MIPOL1: variants seen among roughly 807,000 people sequenced by gnomAD.
MIPOL1 encodes mirror-image polydactyly gene 1 protein.
A neutral mutation model predicts 60.9 loss-of-function variants in MIPOL1; 57 were observed. The observed-to-expected ratio is 0.94, with a 90% CI of 0.76 to 1.17. The LOEUF (loss-of-function observed/expected upper bound fraction) is 1.17, where lower values mean the gene tolerates loss of function less well. Among genes scored for constraint, MIPOL1 ranks in the 50% most tolerant of loss-of-function variants. MIPOL1 has a pLI of 0.00. For missense variants in MIPOL1, 551 were observed against 511.6 expected (o/e 1.08, Z -0.74); for synonymous variants, 179 against 168.8 (o/e 1.06, Z -0.47).
chr14:37,483,237 C>T (rs1278549774), intron 11 of MIPOL1, among the ~76,000 whole-genome samples: 3 of 151,688 alleles, frequency 2.0e-5, no homozygotes, highest in Non-Finnish European at 4.4e-5. Context: ...CTCAGCCTCC[C>T]GAGTAGCTGG....
At chr14:37,365,927 C>G (rs2092456063) in intron 9 of MIPOL1, among the ~76,000 whole-genome samples, 1 of 152,016 alleles carries the variant, frequency 6.6e-6, no homozygotes, top group African/African-American at 2.4e-5. Context: ...CTTCCTGGCT[C>G]AATCTCAGTA....
chr14:37,248,001 C>T lies in MIPOL1; in HGVS notation c.19+94C>T. The T allele has an allele frequency of 2.3e-6, 3 of 1,277,428 alleles. No individual in the cohort carries two copies. The South Asian group carries it at 3.9e-5, about 17-fold the overall frequency. 79.1% of individuals were successfully genotyped at this position (1,277,428 alleles called of 1,614,324 possible). ...TGTTTGTTCTAACCAATATATTAGA[C>T]AGAGGTAGACAAGTGCGCACACACA... On this transcript the variant is annotated intron_variant, in intron 3 of 12. Transcript: ENST00000684589.
intron 11 of MIPOL1, among the ~76,000 whole-genome samples, chr14:37,458,732 T>C (rs2094504999): frequency 6.6e-6 from 1 of 151,746 alleles, no homozygotes; most frequent in Non-Finnish European, 1.5e-5. Flanking sequence ...ATGCCTGTAG[T>C]CCCAGCTACT....
chr14:37,311,292 A>T (rs1373483988), intron 9 of MIPOL1, among the ~76,000 whole-genome samples: 1 of 152,170 alleles, frequency 6.6e-6, no homozygotes, highest in Admixed American at 6.6e-5. Flanking sequence ...ACATGGAAGT[A>T]AGTTAACTAA....
At chr14:37,408,894 A>G (rs1280627914) in intron 10 of MIPOL1, among the ~76,000 whole-genome samples, 2 of 152,134 alleles carry the variant, frequency 1.3e-5, no homozygotes, top group African/African-American at 4.8e-5. Flanking sequence ...ATGTGTAAAG[A>G]TTTTACTTCA....
chr14:37,393,023 G>A (rs1034425626), intron 10 of MIPOL1, among the ~76,000 whole-genome samples: 1 of 151,920 alleles, frequency 6.6e-6, no homozygotes, highest in African/African-American at 2.4e-5. Flanking sequence ...AATGACTGGT[G>A]TTCTTATAAG....
chr14:37,252,493 G>A (rs561115423), intron 3 of MIPOL1, among the ~76,000 whole-genome samples: 11 of 151,670 alleles, frequency 7.3e-5, no homozygotes, highest in South Asian at 6.3e-4. Flanking sequence ...TGATTCTTAC[G>A]GTTTTTCTAT....
chr14:37,206,639 T>C (rs1248844099), intron 1 of MIPOL1, among the ~76,000 whole-genome samples: 1 of 152,138 alleles, frequency 6.6e-6, no homozygotes, highest in Non-Finnish European at 1.5e-5. Context: ...CCTCAGACAC[T>C]CAACACTGAT....
chr14:37,376,062 T>C (rs907672302), intron 10 of MIPOL1, among the ~76,000 whole-genome samples: 2 of 152,164 alleles, frequency 1.3e-5, no homozygotes, highest in African/African-American at 4.8e-5. Flanking sequence ...TAGGTTCACA[T>C]CAAAATTGTA....
intron 7 of MIPOL1, among the ~76,000 whole-genome samples, chr14:37,298,175 A>T (rs1454749744): frequency 3.9e-5 from 6 of 152,218 alleles, no homozygotes; most frequent in Admixed American, 2.0e-4. Flanking sequence ...ATCTTTGACA[A>T]ACCTGAGAAA....
At chr14:37,489,735 G>A (rs1398894181) in intron 11 of MIPOL1, among the ~76,000 whole-genome samples, 1 of 152,152 alleles carries the variant, frequency 6.6e-6, no homozygotes, top group Non-Finnish European at 1.5e-5. Flanking sequence ...GGAGTTTGCT[G>A]GAGGTCCACT....
intron 11 of MIPOL1, among the ~76,000 whole-genome samples, chr14:37,431,569 CTTTTTTTTTTTTTT>C (rs869258490): frequency 1.2e-4 from 8 of 64,832 alleles, no homozygotes; most frequent in Non-Finnish European, 1.5e-4. Context: ...ATCTCTGTTT[CTTTTTTTTTTTTTT>C]TTTTTTTTTT....
chr14:37,214,696 A>T (rs1967287362), intron 1 of MIPOL1, among the ~76,000 whole-genome samples: 1 of 152,130 alleles, frequency 6.6e-6, no homozygotes, highest in South Asian at 2.1e-4. Context: ...GGACATGGTG[A>T]GAAGTGACCA....
intron 9 of MIPOL1, among the ~76,000 whole-genome samples, chr14:37,355,668 C>T (rs1388239558): frequency 4.0e-5 from 5 of 124,876 alleles, no homozygotes; most frequent in South Asian, 3.4e-4. Flanking sequence ...CATCTTCCAT[C>T]GCTGATACCC....
intron 1 of MIPOL1, among the ~76,000 whole-genome samples, chr14:37,245,515 T>C (rs1973065655): frequency 6.6e-6 from 1 of 152,156 alleles, no homozygotes; most frequent in Admixed American, 6.6e-5. Flanking sequence ...GACAGGACTT[T>C]TTAATATTTT....
chr14:37,240,279 TTATAA>T (rs753178906), intron 1 of MIPOL1: 1 of 152,206 alleles, frequency 6.6e-6, no homozygotes, highest in Non-Finnish European at 1.5e-5. Context: ...TTAGTAAGCA[TTATAA>T]TATATGATGA....
At chr14:37,212,851 A>G (rs1395216810) in intron 1 of MIPOL1, among the ~76,000 whole-genome samples, 1 of 152,160 alleles carries the variant, frequency 6.6e-6, no homozygotes, top group Non-Finnish European at 1.5e-5. Context: ...TTACCCCCAG[A>G]TTTACGTGTC....
chr14:37,388,065 A>G (rs1170822607), intron 10 of MIPOL1, among the ~76,000 whole-genome samples: 2 of 151,912 alleles, frequency 1.3e-5, no homozygotes, highest in East Asian at 1.9e-4. Context: ...CCAGAAAAAA[A>G]TGTTATCAGT....
intron 3 of MIPOL1, among the ~76,000 whole-genome samples, chr14:37,264,741 ACTTT>A (rs1463643138): frequency 7.9e-5 from 12 of 152,306 alleles, no homozygotes; most frequent in African/African-American, 2.6e-4. Context: ...TTGTTTTGCA[ACTTT>A]CTTATGAGAC....
Sources: gnomAD v4.1 joint callset for allele counts (sites outside exome capture counted in the v4.1 genomes callset) on GRCh38, gnomAD v4.1.1 for gene constraint, MANE v1.5 for transcripts, NCBI Gene and HGNC (gene_info 2026-07-23, HGNC 2026-07-21) for gene names.